The following TARP variants were observed in gnomAD, a reference collection of about 807,000 sequenced individuals.
At chr7:38,264,827 T>TAGATAAACATCATTCTGTCAACAAC in the TARP span, among the ~76,000 whole-genome samples, 1 of 151,808 alleles carries the variant, frequency 6.6e-6, no homozygotes. Context: ...GAACTGTTTT[T>TAGATAAACATCATTCTGTCAACAAC]AGATAAACAT....
chr7:38,269,374 T>C, the TARP span: 1 of 621,394 alleles, frequency 1.6e-6, no homozygotes. Flanking sequence ...CTAAGTTTTC[T>C]ACATCAAATC....
the TARP span, among the ~76,000 whole-genome samples, chr7:38,267,781 G>T: frequency 0.049 from 7,399 of 149,808 alleles, 347 homozygotes; most frequent in African/African-American, 0.13. Flanking sequence ...TTATATAATT[G>T]TAGTCTCTAG....
the TARP span, chr7:38,269,536 A>G: frequency 1.4e-6 from 1 of 696,962 alleles, no homozygotes; most frequent in Admixed American, 2.1e-5. Flanking sequence ...TTCTTATAAT[A>G]ATTCCACAGT....
At chr7:38,262,002 G>C in the TARP span, among the ~76,000 whole-genome samples, 1 of 151,212 alleles carries the variant, frequency 6.6e-6, no homozygotes, top group Non-Finnish European at 1.5e-5. Context: ...ATACCCCAAA[G>C]CAGTAGTTAG....
At chr7:38,262,729 C>T in the TARP span, among the ~76,000 whole-genome samples, 38 of 151,650 alleles carry the variant, frequency 2.5e-4, 1 homozygote, top group South Asian at 5.4e-3. Flanking sequence ...TCACGGCTCA[C>T]TGAAGCCTCA....
At chr7:38,260,705 C>A in the TARP span, among the ~76,000 whole-genome samples, 1 of 151,832 alleles carries the variant, frequency 6.6e-6, no homozygotes, top group Admixed American at 6.6e-5. Context: ...GAGTGAGTCT[C>A]TACCTGAGAA....
the TARP span, among the ~76,000 whole-genome samples, chr7:38,273,259 T>A: frequency 7.9e-5 from 11 of 139,704 alleles, no homozygotes; most frequent in South Asian, 2.3e-4. Flanking sequence ...TTTTTTTTTT[T>A]AATTTTTTCC....
At chr7:38,269,085 G>C in the TARP span, among the ~76,000 whole-genome samples, 17,492 of 151,590 alleles carry the variant, frequency 0.12, 1,323 homozygotes, top group African/African-American at 0.21. Context: ...CAGAGTTCCA[G>C]GTGGACCTGA....
chr7:38,268,903 A>C, the TARP span, among the ~76,000 whole-genome samples: 2 of 151,096 alleles, frequency 1.3e-5, no homozygotes, highest in Non-Finnish European at 2.9e-5. Flanking sequence ...TCCAGAAAAC[A>C]TTTGTTGGGC....
At chr7:38,264,995 C>T in the TARP span, among the ~76,000 whole-genome samples, 307 of 151,244 alleles carry the variant, frequency 2.0e-3, 1 homozygote, top group Non-Finnish European at 3.6e-3. Context: ...CAAGTAAAGT[C>T]ATCAAAAGAA....
chr7:38,260,823 T>G, the TARP span, among the ~76,000 whole-genome samples: 1 of 151,810 alleles, frequency 6.6e-6, no homozygotes, highest in Non-Finnish European at 1.5e-5. Flanking sequence ...TCCCTGCCCT[T>G]GGTCAAGTGA....
At chr7:38,267,931 C>T in the TARP span, among the ~76,000 whole-genome samples, 6 of 151,300 alleles carry the variant, frequency 4.0e-5, no homozygotes, top group African/African-American at 9.7e-5. Context: ...GCATTCATTG[C>T]CTCTTGTCCC....
the TARP span, chr7:38,265,798 A>G: frequency 2.6e-6 from 2 of 765,494 alleles, no homozygotes; most frequent in South Asian, 1.8e-5. Flanking sequence ...GCTGGTGTCC[A>G]CTGCGGCCTT....
chr7:38,261,744 C>T, the TARP span, among the ~76,000 whole-genome samples: 3 of 150,466 alleles, frequency 2.0e-5, no homozygotes, highest in East Asian at 1.9e-4. Context: ...TGGTGGCACG[C>T]GCCTGTAGTC....
the TARP span, among the ~76,000 whole-genome samples, chr7:38,263,636 G>T: frequency 1.8e-3 from 272 of 150,832 alleles, no homozygotes; most frequent in African/African-American, 6.4e-3. Flanking sequence ...GAATTTATCT[G>T]TGATGTTAAA....
At chr7:38,270,586 T>G in the TARP span, among the ~76,000 whole-genome samples, 3 of 151,838 alleles carry the variant, frequency 2.0e-5, no homozygotes, top group East Asian at 5.8e-4. Context: ...GAAACTGACT[T>G]CTGTCTAGTT....
At chr7:38,270,443 A>G in the TARP span, among the ~76,000 whole-genome samples, 1 of 151,460 alleles carries the variant, frequency 6.6e-6, no homozygotes, top group African/African-American at 2.4e-5. Flanking sequence ...GTCAAAGGGA[A>G]CATTGGCTAA....
the TARP span, among the ~76,000 whole-genome samples, chr7:38,270,227 C>A: frequency 6.6e-6 from 1 of 151,886 alleles, no homozygotes; most frequent in African/African-American, 2.4e-5. Flanking sequence ...CCAAGCATTG[C>A]CCTTACTAAA....
the TARP span, among the ~76,000 whole-genome samples, chr7:38,269,750 C>T: frequency 6.6e-6 from 1 of 151,916 alleles, no homozygotes; most frequent in Admixed American, 6.6e-5. Context: ...TTCAACATCG[C>T]TACCAGCACT....
Sources: gnomAD v4.1 joint callset for allele counts (sites outside exome capture counted in the v4.1 genomes callset) on GRCh38, gnomAD v4.1.1 for gene constraint, MANE v1.5 for transcripts.